UBXN11: variants seen among roughly 807,000 people sequenced by gnomAD.
The protein encoded by UBXN11 is UBX domain-containing protein 11.
Under a neutral mutation model 62.8 loss-of-function variants are expected in UBXN11, and 47 were observed. That is an observed-to-expected ratio of 0.75 (90% CI 0.59 to 0.95). The LOEUF (loss-of-function observed/expected upper bound fraction) is 0.95. UBXN11 is among the 40% of genes least tolerant of loss of function. UBXN11 has a pLI of 0.00. For synonymous variants in UBXN11, 294 were observed against 267.0 expected (o/e 1.10, Z -0.99); for missense variants, 638 against 661.7 (o/e 0.96, Z 0.39).
chr1:26,284,904 C>G, intron 10 of UBXN11: 1 of 1,006,404 alleles, frequency 9.9e-7, no homozygotes, highest in Non-Finnish European at 1.2e-6. Context: ...TTAAACACCC[C>G]CGCGTCATGA....
chr1:26,314,455 CT>C (rs2073772108), intron 1 of UBXN11, among the ~76,000 whole-genome samples: 1 of 152,218 alleles, frequency 6.6e-6, no homozygotes, highest in African/African-American at 2.4e-5. Context: ...AAGTGGCATA[CT>C]TTTAGGAGGA....
intron 8 of UBXN11, among the ~76,000 whole-genome samples, chr1:26,291,200 C>A (rs913919694): frequency 6.6e-6 from 1 of 152,192 alleles, no homozygotes; most frequent in Non-Finnish European, 1.5e-5. Flanking sequence ...AGCAATCAGC[C>A]GAGTGTCAGG....
chr1:26,292,974 G>A (rs1378575388), intron 8 of UBXN11, among the ~76,000 whole-genome samples: 1 of 152,184 alleles, frequency 6.6e-6, no homozygotes, highest in Non-Finnish European at 1.5e-5. Context: ...GCCTAAACAG[G>A]AGGCAGGATT....
chr1:26,284,172 G>A lies in UBXN11; in HGVS notation c.1047C>T (p.Asp349=). 10 of 1,612,796 alleles carry A rather than the reference G, an allele frequency of 6.2e-6. No individual in the cohort carries two copies. The South Asian group carries it at 1.1e-4, about 18-fold the overall frequency. Residue 349 remains aspartate, a synonymous_variant, in exon 12 of 15, where the codon GAC becomes GAT. Transcript: ENST00000374222. ...AGGTGTCCCTGATGGGGCCCCGGAT[G>A]TCAATCACCTCGCCTTGCCGGATCA... is the stretch of plus-strand genomic sequence containing the variant. ...KFVIRQGEVI[D]IRGPIRDTLQ... is the part of the protein sequence containing the mutation.
rs543842002 is a variant in UBXN11 at position 26,282,863 on chromosome 1, C to T, written c.1151+1G>A. 1.7e-5 allele frequency: 27 copies of T among 1,614,188 alleles called. No homozygotes were observed. In the South Asian group the frequency reaches 2.6e-4, roughly 16 times the overall value. ...CCCTCACCTCCTCATCCCGCCCTCACCTCTCTCGCTCAGCGGCCAAGGTGG... is the reference window on the plus strand; with the variant it reads ...CCCTCACCTCCTCATCCCGCCCTCATCTCTCTCGCTCAGCGGCCAAGGTGG... On this transcript the variant is annotated splice_donor_variant, in intron 13 of 14. Transcript: ENST00000374222. LOFTEE classifies it high-confidence loss of function.
At chr1:26,285,437 GGT>G in intron 10 of UBXN11, 25 bp downstream of exon 10, 16 of 1,606,790 alleles carry the variant, frequency 1.0e-5, no homozygotes, top group Non-Finnish European at 1.3e-5. Flanking sequence ...AATCCCCAAA[GGT>G]GTGGTTTGAG....
chr1:26,292,522 TAAAAAG>T (rs369832787), intron 8 of UBXN11, among the ~76,000 whole-genome samples: 80 of 149,762 alleles, frequency 5.3e-4, no homozygotes, highest in African/African-American at 1.8e-3. Flanking sequence ...CCTCAAAAAA[TAAAAAG>T]AAAAATAAAG....
Position 26,302,833 on chromosome 1 carries a change from G to C in UBXN11, c.51C>G (p.Pro17=), listed in dbSNP as rs2073572247. 3 of 1,613,724 alleles carry C rather than the reference G, an allele frequency of 1.9e-6. No homozygotes were observed. The highest frequency in any genetic ancestry group is 1.7e-6 in the Non-Finnish European group (2 of 1,179,836). Residue 17 remains proline (P), a synonymous_variant, in exon 2 of 15, where the codon CCC becomes CCG. Transcript: ENST00000374222. ...SLSKTRKVPL[P]SEPMNPGRRG... The stretch of plus-strand genomic sequence containing the variant: ...CTTACCCAGGATTCATAGGCTCCGA[G>C]GGCAGGGGCACTTTTCGGGTCTTGC...
At chr1:26,308,935 A>ATTTTTTTTTT (rs57323315), upstream of UBXN11, among the ~76,000 whole-genome samples, 2 of 108,254 alleles carry the variant, frequency 1.8e-5, no homozygotes, top group South Asian at 3.2e-4. Flanking sequence ...CAGTCGTTTG[A>ATTTTTTTTTT]TTTTTTTTTT....
upstream of UBXN11, chr1:26,306,834 G>GTGTT (rs534727835): frequency 1.0e-4 from 4 of 40,110 alleles, 1 homozygote; most frequent in Non-Finnish European, 2.6e-4. Flanking sequence ...CGGGGTGGGG[G>GTGTT]GGGGGGGTGG....
chr1:26,302,099 G>C (rs973566183), intron 2 of UBXN11, among the ~76,000 whole-genome samples: 1 of 152,096 alleles, frequency 6.6e-6, no homozygotes. Context: ...GGCCAGGCGC[G>C]GTGGCTGGTA....
intron 4 of UBXN11, among the ~76,000 whole-genome samples, chr1:26,298,452 C>T (rs142075105): frequency 1.6e-4 from 24 of 152,258 alleles, no homozygotes; most frequent in Non-Finnish European, 2.9e-4. Context: ...AAATACCCCA[C>T]GGGCAAACTG....
At chr1:26,285,177 C>T in intron 10 of UBXN11, 3 of 1,215,538 alleles carry the variant, frequency 2.5e-6, no homozygotes, top group South Asian at 4.1e-5. Context: ...CTGCAGGGAC[C>T]CCAGGTTGTC....
At chr1:26,285,254 G>A (rs1257041248) in intron 10 of UBXN11, 2 of 1,344,512 alleles carry the variant, frequency 1.5e-6, no homozygotes, top group Non-Finnish European at 1.9e-6. Context: ...TCTCCAGGGT[G>A]CCAGCAGAGG....
At chr1:26,318,133 G>A in exon 1 of UBXN11, 2 of 1,404,366 alleles carry the variant, frequency 1.4e-6, no homozygotes, top group Non-Finnish European at 1.0e-6. Flanking sequence ...TGGAGGGAGG[G>A]CATACAGGAT....
rs1042500084 is a variant in UBXN11 at position 26,301,030 on chromosome 1, G to C, written c.101-6C>G. ...CAACATGTCCACCTCATCTTCTGCA[G>C]ACAGGGATGCCTAGGTCACCGCTCT... On this transcript the variant is annotated splice_region_variant and splice_polypyrimidine_tract_variant and intron_variant, in intron 3 of 14. Coordinates refer to ENST00000374222, the MANE Select transcript of UBXN11 (RefSeq NM_001389556.1). 6.2e-7 allele frequency: 1 copy of C among 1,614,256 alleles called. No homozygotes were observed. Among genetic ancestry groups the C allele is most frequent in the East Asian group, 2.2e-5 (1 of 44,886 alleles).
rs147212734 is a variant in UBXN11, at chr1:26,284,908, G to A, written c.853-426C>T. On this transcript the variant is annotated intron_variant, in intron 10 of 14. Coordinates refer to ENST00000374222, the MANE Select transcript of UBXN11 (RefSeq NM_001389556.1). ...GCACGAATGCCTTAAACACCCCCGCGTCATGACTCATGCTGTTTCCTGAGC... is the reference window on the plus strand; with the variant it reads ...GCACGAATGCCTTAAACACCCCCGCATCATGACTCATGCTGTTTCCTGAGC... 22 of 1,005,482 alleles carry A rather than the reference G, an allele frequency of 2.2e-5. No individual in the cohort carries two copies. The East Asian group carries it at 6.4e-4, about 29-fold the overall frequency. The allele number at this position is 1,005,482 out of a possible 1,614,324, so 62.3% of individuals were successfully genotyped here.
upstream of UBXN11, chr1:26,306,833 G>GT (rs1216481807): frequency 6.2e-5 from 2 of 32,156 alleles, no homozygotes; most frequent in East Asian, 9.9e-4. Flanking sequence ...GCGGGGTGGG[G>GT]GGGGGGGGTG....
In UBXN11 at chr1:26,301,068, C is replaced by G. The variant is rs1467978655; in HGVS notation, c.101-44G>C. 3.1e-6 allele frequency: 5 copies of G among 1,613,546 alleles called. No homozygotes were observed. In the South Asian group the frequency reaches 5.5e-5, roughly 18 times the overall value. On this transcript the variant is annotated intron_variant, in intron 3 of 14. Transcript: ENST00000374222. ...AGGTCACCGCTCTGGGGCGGAGACCCAGAGGAAACTCAGGCCCTGGGCCCT... is the reference window on the plus strand; with the variant it reads ...AGGTCACCGCTCTGGGGCGGAGACCGAGAGGAAACTCAGGCCCTGGGCCCT...
Sources: gnomAD v4.1 joint callset for allele counts (sites outside exome capture counted in the v4.1 genomes callset) on GRCh38, gnomAD v4.1.1 for gene constraint, MANE v1.5 for transcripts, NCBI Gene and HGNC (gene_info 2026-07-23, HGNC 2026-07-21) for gene names.